Variants in SLC43A1 observed in about 807,000 individuals in gnomAD.
The protein encoded by SLC43A1 is solute carrier family 43 member 1.
In SLC43A1, 31 loss-of-function variants were observed where a neutral mutation model predicts 59.5. That is an observed-to-expected ratio of 0.52 (90% CI 0.39 to 0.70). The LOEUF (loss-of-function observed/expected upper bound fraction) is 0.70. Among genes scored for constraint, SLC43A1 ranks in the 30% least tolerant of loss-of-function variants. The pLI is 0.00. For synonymous variants in SLC43A1, 259 were observed against 290.9 expected (o/e 0.89, Z 1.12); for missense variants, 598 against 717.8 (o/e 0.83, Z 1.91).
Position 57,485,233 on chromosome 11 carries a change from C to T in SLC43A1, c.1543G>A (p.Gly515Ser). Residue 515 changes from glycine to serine, a missense_variant, in exon 15 of 15, where the codon GGC becomes AGC. Transcript: ENST00000278426. ...CCCAGGAGTGAGAATAGCAGGAGGC[C>T]CAGATTCACCTTTAGGGCAAGGAGA... ...LKGEPFWVNL[G>S]LLLFSLLGFL... 1.2e-6 allele frequency: 2 copies of T among 1,612,524 alleles called. No individual in the cohort carries two copies. The highest frequency in any genetic ancestry group is 1.7e-6 in the Non-Finnish European group (2 of 1,179,226).
rs747097557 is a variant in SLC43A1 at position 57,491,789 on chromosome 11, CT to C, written c.944del (p.Gln315ArgfsTer11). ...CAGCCATGTAGAAGATGATCCGCAG[CT>C]GGGTCATGCCCATGGTGAGGAGGCT... ...LWSLLTMGMT[Q>X]LRIIFYMAAV... On this transcript the variant is annotated frameshift_variant, in exon 9 of 15. Transcript: ENST00000278426. LOFTEE classifies it high-confidence loss of function. 1.2e-6 allele frequency: 2 copies of C among 1,614,084 alleles called. No individual in the cohort carries two copies. Among genetic ancestry groups the C allele is most frequent in the Non-Finnish European group, 8.5e-7 (1 of 1,180,002 alleles).
At position 57,494,117 on chromosome 11, in the gene SLC43A1, G is replaced by A. The variant is rs779693152; in HGVS notation, c.747C>T (p.Leu249=). 3.2e-5 allele frequency: 51 copies of A among 1,611,280 alleles called. No homozygotes were observed. The Admixed American group carries it at 7.1e-4, about 22-fold the overall frequency. The change falls in exon 8 of 15, where the codon CTC becomes CTT. Residue 249 remains leucine, a synonymous_variant. Transcript: ENST00000278426. ...CCATGGTGGTCACATGGGTGTAGAA[G>A]AGGTCACCTGTCACCTTGTGGTCCA... ...LALDHKVTGD[L]FYTHVTTMGQ...
intron 14 of SLC43A1, 112 bp from the exon 15 acceptor site, chr11:57,485,354 C>T (rs1164179534): frequency 1.5e-5 from 14 of 944,134 alleles, no homozygotes; most frequent in Non-Finnish European, 2.2e-5. Context: ...AGAATAAATA[C>T]AGCTAGTACT....
intron 5 of SLC43A1, among the ~76,000 whole-genome samples, chr11:57,498,107 C>T (rs544985602): frequency 7.6e-4 from 115 of 152,244 alleles, no homozygotes; most frequent in Non-Finnish European, 1.2e-3. Context: ...AAGTTTGTTA[C>T]GTAACACCTC....
At chr11:57,506,444 G>A (rs923596576) in intron 2 of SLC43A1, among the ~76,000 whole-genome samples, 1 of 152,214 alleles carries the variant, frequency 6.6e-6, no homozygotes, top group African/African-American at 2.4e-5. Flanking sequence ...GCTGAGGTGG[G>A]AGGATTGCTT....
intron 2 of SLC43A1, among the ~76,000 whole-genome samples, chr11:57,510,619 C>A (rs577205151): frequency 5.9e-4 from 90 of 151,766 alleles, no homozygotes; most frequent in African/African-American, 2.2e-3. Flanking sequence ...TTTTCCACTC[C>A]CACTGCTTCA....
intron 13 of SLC43A1, 99 bp downstream of exon 13, chr11:57,488,817 G>A: frequency 4.2e-6 from 4 of 962,006 alleles, no homozygotes; most frequent in Middle Eastern, 2.5e-4. Context: ...CTCAGAGAGA[G>A]GTGCATTAGG....
At chr11:57,485,522 C>T (rs187533324) in intron 14 of SLC43A1, among the ~76,000 whole-genome samples, 1 of 152,304 alleles carries the variant, frequency 6.6e-6, no homozygotes, top group Non-Finnish European at 1.5e-5. Context: ...AGGCACAGCA[C>T]TGTAGGAGTC....
chr11:57,506,125 C>A (rs1012412410), intron 2 of SLC43A1, among the ~76,000 whole-genome samples: 1 of 152,120 alleles, frequency 6.6e-6, no homozygotes, highest in Non-Finnish European at 1.5e-5. Context: ...ACAGGAGGAT[C>A]GCTTGAGTCC....
rs768609676 is a variant in SLC43A1 at position 57,494,126 on chromosome 11, T to C, written c.738A>G (p.Thr246=). Residue 246 remains threonine, a synonymous_variant, in exon 8 of 15, where the codon ACA becomes ACG. Coordinates refer to ENST00000278426, the MANE Select transcript of SLC43A1 (RefSeq NM_003627.6). Reference sequence around the variant, plus strand: ...TCACATGGGTGTAGAAGAGGTCACCTGTCACCTTGTGGTCCAGGGCCAGCC... The same window carrying C: ...TCACATGGGTGTAGAAGAGGTCACCCGTCACCTTGTGGTCCAGGGCCAGCC... ...LSGLALDHKV[T]GDLFYTHVTT... 1.2e-6 allele frequency: 2 copies of C among 1,611,006 alleles called. No homozygotes were observed. Among genetic ancestry groups the C allele is most frequent in the Non-Finnish European group, 1.7e-6 (2 of 1,178,712 alleles).
intron 6 of SLC43A1, among the ~76,000 whole-genome samples, chr11:57,496,682 G>A (rs921641863): frequency 4.6e-5 from 7 of 152,136 alleles, no homozygotes; most frequent in African/African-American, 1.7e-4. Context: ...TGCAACAACT[G>A]GGGGGGTTGG....
rs1486397640 is a variant in SLC43A1, at chr11:57,491,245, C to T, written c.1172G>A (p.Gly391Asp). The T allele has an allele frequency of 1.3e-6, 2 of 1,596,696 alleles. No homozygotes were observed. Among genetic ancestry groups the T allele is most frequent in the East Asian group, 2.2e-5 (1 of 44,638 alleles). ...IKDCVDAPTQ[G>D]TVLGDARDGV... ...TCACCTGGCATCTCCGAGGACAGTG[C>T]CCTGAGTTGGGGCGTCCACGCAGTC... The change falls in exon 11 of 15, where the codon GGC becomes GAC. Residue 391 changes from glycine to aspartate, a missense_variant. Gly to Asp is a moderately conservative substitution (Grantham distance 94). Coordinates refer to ENST00000278426, the MANE Select transcript of SLC43A1 (RefSeq NM_003627.6).
chr11:57,495,087 A>T (rs1439860354), intron 7 of SLC43A1, among the ~76,000 whole-genome samples: 7 of 151,814 alleles, frequency 4.6e-5, no homozygotes, highest in Non-Finnish European at 2.9e-5. Context: ...ACCTCAGGCG[A>T]TCCACCCTCT....
intron 2 of SLC43A1, among the ~76,000 whole-genome samples, chr11:57,509,049 G>A: frequency 6.6e-6 from 1 of 151,886 alleles, no homozygotes; most frequent in Admixed American, 6.6e-5. Flanking sequence ...CCAGAAGGCA[G>A]AGGTTGCACT....
Position 57,514,192 on chromosome 11 carries a change from T to G in SLC43A1, c.-13-68A>C, listed in dbSNP as rs1023917986. ...CCCAGGGAAGGGTCCTGCATCATGG[T>G]GGCACCCGAGACCTCTCGGGCCAGC... is the stretch of plus-strand genomic sequence containing the variant. On this transcript the variant is annotated intron_variant, in intron 1 of 14. Transcript: ENST00000278426. The surrounding 1 kb of genome is among the most constrained non-coding windows in gnomAD (Gnocchi z 5.5). The G allele has an allele frequency of 6.8e-7, 1 of 1,472,280 alleles. No homozygotes were observed. The highest frequency in any genetic ancestry group is 2.6e-5 in the Admixed American group (1 of 39,180). 91.2% of individuals were successfully genotyped at this position (1,472,280 alleles called of 1,614,324 possible).
At chr11:57,500,921 G>A in intron 4 of SLC43A1, 66 bp from the exon 5 acceptor site, 1 of 1,603,824 alleles carries the variant, frequency 6.2e-7, no homozygotes, top group Non-Finnish European at 8.5e-7. Flanking sequence ...GCGGGAGCTG[G>A]GGTAAACATC....
Position 57,484,878 on chromosome 11 carries a change from A to C in SLC43A1, c.*218T>G. On this transcript the variant is annotated 3_prime_UTR_variant, in exon 15 of 15. Coordinates refer to ENST00000278426, the MANE Select transcript of SLC43A1 (RefSeq NM_003627.6). ...AAGGCTCAACCCCTCTAGGATAGGG[A>C]CTGTCTTCAGTCAATGGAGCGTTGA... 2.0e-6 allele frequency: 1 copy of C among 494,698 alleles called. No homozygotes were observed. Among genetic ancestry groups the C allele is most frequent in the South Asian group, 2.8e-5 (1 of 35,856 alleles). 30.6% of individuals were successfully genotyped at this position (494,698 alleles called of 1,614,324 possible). A position where few individuals can be genotyped will look rare whatever the true frequency, so the allele number is the denominator to read the frequency against.
intron 8 of SLC43A1, among the ~76,000 whole-genome samples, 167 bp from the exon 9 acceptor site, chr11:57,492,029 G>C (rs1008379518): frequency 6.6e-6 from 1 of 152,040 alleles, no homozygotes; most frequent in South Asian, 2.1e-4. Flanking sequence ...CCAGGCTCTT[G>C]CTCAGCTCAG....
intron 7 of SLC43A1, among the ~76,000 whole-genome samples, chr11:57,495,187 C>T (rs1438337394): frequency 1.3e-5 from 2 of 151,948 alleles, no homozygotes; most frequent in Non-Finnish European, 2.9e-5. Flanking sequence ...ACTTTTGCAC[C>T]CACATAAATA....
Sources: allele counts gnomAD v4.1 joint callset (sites outside exome capture counted in the v4.1 genomes callset), GRCh38; gene constraint gnomAD v4.1.1; non-coding constraint Gnocchi (gnomAD v3.1); transcripts MANE v1.5; gene names NCBI Gene and HGNC (gene_info 2026-07-23, HGNC 2026-07-21).